Variants in COL11A1 observed in about 807,000 individuals in gnomAD.
COL11A1 encodes the protein collagen alpha-1(XI) chain.
In COL11A1, 74 loss-of-function variants were observed where a neutral mutation model predicts 265.2. That is an observed-to-expected ratio of 0.28 (90% confidence interval 0.23 to 0.34). The LOEUF is 0.34. Among genes scored for constraint, COL11A1 ranks in the 10% least tolerant of loss-of-function variants. The pLI, the probability that COL11A1 is intolerant of heterozygous loss-of-function variation, is 1.00. For missense variants in COL11A1, 2,165 were observed against 2,263.6 expected (o/e 0.96, Z 0.88); for synonymous variants, 816 against 727.6 (o/e 1.12, Z -1.96).
intron 62 of COL11A1, 107 bp from the exon 63 acceptor site, chr1:102,887,163 G>T: frequency 7.1e-7 from 1 of 1,411,108 alleles, no homozygotes; most frequent in Non-Finnish European, 9.9e-7. Flanking sequence ...AGTTGGTTTA[G>T]CTTTTCATTA....
chr1:102,907,107 G>C (rs1369903757), intron 54 of COL11A1, among the ~76,000 whole-genome samples: 1 of 152,038 alleles, frequency 6.6e-6, no homozygotes, highest in East Asian at 1.9e-4. Flanking sequence ...ACCTAAGGTT[G>C]ATTTTTCTAT....
At chr1:103,051,005 G>T (rs550664837) in intron 4 of COL11A1, among the ~76,000 whole-genome samples, 1 of 152,324 alleles carries the variant, frequency 6.6e-6, no homozygotes, top group Admixed American at 6.5e-5. Context: ...GTGTCAGTCT[G>T]CCCCTACTGG....
chr1:102,879,876 A>G lies in COL11A1; in HGVS notation c.5081T>C (p.Val1694Ala), dbSNP rs1404456235. 1 of 1,613,826 alleles carries G rather than the reference A, an allele frequency of 6.2e-7. No homozygotes were observed. Among genetic ancestry groups the G allele is most frequent in the Admixed American group, 1.7e-5 (1 of 59,962 alleles). ...LDVEGNSINM[V>A]QMTFLKLLTA... ...CAGAAGTTTCAGGAATGTCATTTGCACCATATTGATGGAATTTCCTTCAAC... is the reference window on the plus strand; with the variant it reads ...CAGAAGTTTCAGGAATGTCATTTGCGCCATATTGATGGAATTTCCTTCAAC... The change falls in exon 66 of 67, where the codon GTG becomes GCG. Residue 1694 changes from valine to alanine, a missense_variant. Val to Ala is a moderately conservative substitution (Grantham distance 64). Coordinates refer to ENST00000370096, the MANE Select transcript of COL11A1 (RefSeq NM_001854.4).
At chr1:103,096,384 T>C (rs1240876286) in intron 1 of COL11A1, among the ~76,000 whole-genome samples, 4 of 151,986 alleles carry the variant, frequency 2.6e-5, no homozygotes, top group Non-Finnish European at 5.9e-5. Context: ...TGAGTAAAGC[T>C]TAGTTCAAGA....
intron 28 of COL11A1, 128 bp from the exon 29 acceptor site, chr1:102,989,699 G>T: frequency 1.9e-6 from 1 of 523,692 alleles, no homozygotes; most frequent in Non-Finnish European, 3.4e-6. Flanking sequence ...CATGGTAGTT[G>T]TGAAACTTCC....
chr1:103,043,424 T>G (rs2102065965), intron 4 of COL11A1, among the ~76,000 whole-genome samples: 1 of 152,068 alleles, frequency 6.6e-6, no homozygotes, highest in Non-Finnish European at 1.5e-5. Context: ...TTTGTTCAAT[T>G]AAATTCACTG....
intron 5 of COL11A1, among the ~76,000 whole-genome samples, chr1:103,029,338 A>C (rs1419578849): frequency 6.6e-6 from 1 of 152,052 alleles, no homozygotes; most frequent in African/African-American, 2.4e-5. Flanking sequence ...TTGGCAACCA[A>C]CATTGCATTA....
At chr1:103,097,387 C>G (rs566309247) in intron 1 of COL11A1, among the ~76,000 whole-genome samples, 12 of 151,976 alleles carry the variant, frequency 7.9e-5, no homozygotes, top group Admixed American at 1.3e-4. Context: ...TTCATAAAGG[C>G]CTTCACATCA....
intron 30 of COL11A1, among the ~76,000 whole-genome samples, chr1:102,984,777 T>C (rs1663377518): frequency 6.6e-6 from 1 of 152,022 alleles, no homozygotes; most frequent in African/African-American, 2.4e-5. Context: ...GACTAATAAA[T>C]ATAATATGTG....
intron 41 of COL11A1, among the ~76,000 whole-genome samples, chr1:102,950,996 C>T (rs887114422): frequency 2.0e-5 from 3 of 152,094 alleles, no homozygotes; most frequent in Non-Finnish European, 4.4e-5. Context: ...CCTTGCTTCC[C>T]CTTTGCCTTC....
intron 36 of COL11A1, among the ~76,000 whole-genome samples, chr1:102,972,430 T>C (rs1006336300): frequency 1.3e-5 from 2 of 152,160 alleles, no homozygotes; most frequent in Admixed American, 1.3e-4. Flanking sequence ...ACATAATATT[T>C]AATGGCTTTC....
chr1:102,927,650 C>CAA (rs11369063), intron 46 of COL11A1, among the ~76,000 whole-genome samples: 4 of 146,302 alleles, frequency 2.7e-5, no homozygotes, highest in African/African-American at 1.0e-4. Flanking sequence ...CTCAAAAAAA[C>CAA]AAAAAAAAAA....
At chr1:102,989,599 G>C in intron 28 of COL11A1, 28 bp from the exon 29 acceptor site, 3 of 1,530,690 alleles carry the variant, frequency 2.0e-6, no homozygotes, top group Non-Finnish European at 2.7e-6. Flanking sequence ...GAATTAAATA[G>C]GAGTTTAATC....
At chr1:103,107,705 C>T (rs1273778729) in intron 1 of COL11A1, among the ~76,000 whole-genome samples, 5 of 152,104 alleles carry the variant, frequency 3.3e-5, no homozygotes, top group African/African-American at 1.2e-4. Flanking sequence ...AGATGTGTTC[C>T]AAGGGCAGTC....
At chr1:102,936,343 A>T (rs1265042623) in intron 44 of COL11A1, among the ~76,000 whole-genome samples, 5 of 151,920 alleles carry the variant, frequency 3.3e-5, no homozygotes, top group African/African-American at 9.7e-5. Flanking sequence ...TTTTACTTGA[A>T]AGAGCGGCTG....
intron 42 of COL11A1, 55 bp downstream of exon 42, chr1:102,946,794 G>A: frequency 7.4e-7 from 1 of 1,353,256 alleles, no homozygotes; most frequent in Non-Finnish European, 1.0e-6. Flanking sequence ...TGAATAAAAA[G>A]TAATAACGTG....
chr1:102,972,019 G>A (rs1393139390), intron 36 of COL11A1, among the ~76,000 whole-genome samples: 4 of 152,100 alleles, frequency 2.6e-5, no homozygotes, highest in Non-Finnish European at 5.9e-5. Context: ...CCTCAGTTTG[G>A]AGGTGACATA....
chr1:102,914,136 T>C (rs980294191), intron 52 of COL11A1, among the ~76,000 whole-genome samples: 2 of 152,242 alleles, frequency 1.3e-5, no homozygotes, highest in African/African-American at 4.8e-5. Context: ...CCAATTGTTG[T>C]ACCTATGTTG....
rs534159498 is a variant in COL11A1 at position 102,946,571 on chromosome 1, C to CG, written c.3276+277_3276+278insC. 4.0e-3 allele frequency among the ~76,000 whole-genome samples: 590 copies of CG among 147,424 alleles called. 5 individuals carry two copies. The highest frequency in any genetic ancestry group is 0.014 in the African/African-American group (568 of 40,494). ...TATAGCTTCAATAAAAAACTCACAA[C>CG]TTTTTTTTTTTAAAAAAAGCAAAAT... is the stretch of plus-strand genomic sequence containing the variant. On this transcript the variant is annotated intron_variant, in intron 42 of 66. Coordinates refer to ENST00000370096, the MANE Select transcript of COL11A1 (RefSeq NM_001854.4).
Sources: allele counts gnomAD v4.1 joint callset (sites outside exome capture counted in the v4.1 genomes callset), GRCh38; gene constraint gnomAD v4.1.1; transcripts MANE v1.5; gene names NCBI Gene and HGNC (gene_info 2026-07-23, HGNC 2026-07-21).